The following PRKCH variants were observed in gnomAD, a reference collection of about 807,000 sequenced individuals.
The protein encoded by PRKCH is protein kinase C eta.
In PRKCH, 28 loss-of-function variants were observed where a neutral mutation model predicts 82.5. The ratio of observed to expected loss-of-function variants is 0.34; its 90% CI spans 0.25 to 0.47. The LOEUF (loss-of-function observed/expected upper bound fraction) is 0.47, where lower values mean the gene tolerates loss of function less well. Among genes scored for constraint, PRKCH ranks in the 20% least tolerant of loss-of-function variants. PRKCH has a pLI of 1.00. For missense variants in PRKCH, 705 were observed against 881.8 expected (o/e 0.80, Z 2.54); for synonymous variants, 322 against 327.4 (o/e 0.98, Z 0.18).
Position 61,547,755 on chromosome 14 carries a change from A to C in PRKCH, c.1774A>C (p.Asn592His). ...TGILKSFMTK[N>H]PTMRLGSLTQ... ...CTCTCTCACTCAGTTCATGACCAAG[A>C]ACCCCACCATGCGCTTGGGCAGCCT... The change falls in exon 13 of 14, where the codon AAC (asparagine) becomes CAC (histidine). Residue 592 changes from asparagine to histidine, a missense_variant. Physicochemically the swap from Asn to His is moderately conservative, Grantham distance 68. Coordinates refer to ENST00000332981, the MANE Select transcript of PRKCH (RefSeq NM_006255.5). 6.2e-7 allele frequency: 1 copy of C among 1,613,956 alleles called. No homozygotes were observed. Among genetic ancestry groups the C allele is most frequent in the Non-Finnish European group, 8.5e-7 (1 of 1,179,926 alleles).
chr14:61,478,852 C>T (rs951470736), intron 9 of PRKCH, among the ~76,000 whole-genome samples: 1 of 152,104 alleles, frequency 6.6e-6, no homozygotes, highest in Non-Finnish European at 1.5e-5. Context: ...CAGAGCAAGA[C>T]CCTGTCTCAA....
intron 1 of PRKCH, chr14:61,281,371 G>A (rs760452263): frequency 5.8e-6 from 2 of 346,928 alleles, no homozygotes; most frequent in Non-Finnish European, 1.1e-5. Context: ...CTCCGCCCAG[G>A]TGCGCTGCAC....
intron 1 of PRKCH, among the ~76,000 whole-genome samples, chr14:61,344,864 G>C (rs775131443): frequency 3.3e-5 from 5 of 152,150 alleles, no homozygotes; most frequent in Non-Finnish European, 4.4e-5. Flanking sequence ...TGGAACAAAA[G>C]ATTTATTTAT....
chr14:61,320,768 TGCCC>T (rs1296013081), upstream of PRKCH, among the ~76,000 whole-genome samples: 1 of 152,202 alleles, frequency 6.6e-6, no homozygotes, highest in Non-Finnish European at 1.5e-5. Context: ...ATCAGAAGGC[TGCCC>T]ACTCTGACTG....
intron 2 of PRKCH, among the ~76,000 whole-genome samples, chr14:61,393,092 A>G (rs1166666863): frequency 6.6e-6 from 1 of 151,836 alleles, no homozygotes; most frequent in African/African-American, 2.4e-5. Context: ...TGTCCTGTTG[A>G]TCTGTTTGTC....
At chr14:61,221,929 A>G (rs2044658956) in intron 1 of PRKCH, among the ~76,000 whole-genome samples, 1 of 152,178 alleles carries the variant, frequency 6.6e-6, no homozygotes, top group South Asian at 2.1e-4. Flanking sequence ...GAGAATATTT[A>G]TAATCCAAAC....
chr14:61,508,197 T>A (rs1445624254), intron 10 of PRKCH, among the ~76,000 whole-genome samples: 2 of 152,170 alleles, frequency 1.3e-5, no homozygotes, highest in African/African-American at 4.8e-5. Flanking sequence ...CTGTATTTCC[T>A]TGATTTAAAA....
chr14:61,449,353 C>T (rs1884379100), intron 5 of PRKCH, 101 bp downstream of exon 5: 2 of 999,316 alleles, frequency 2.0e-6, no homozygotes, highest in Admixed American at 2.0e-5. Flanking sequence ...CCCCTCTTTT[C>T]CTTCTCCCCG....
chr14:61,446,527 T>C (rs1408684230), intron 4 of PRKCH, among the ~76,000 whole-genome samples: 6 of 152,254 alleles, frequency 3.9e-5, no homozygotes, highest in Non-Finnish European at 7.3e-5. Context: ...CACCTTCTCT[T>C]CTGGAAGATG....
chr14:61,282,611 A>G (rs1189829493), intron 1 of PRKCH, among the ~76,000 whole-genome samples: 1 of 152,166 alleles, frequency 6.6e-6, no homozygotes, highest in African/African-American at 2.4e-5. Context: ...GATAGGGGAC[A>G]TATTAGGAGT....
intron 1 of PRKCH, among the ~76,000 whole-genome samples, chr14:61,268,423 TG>T (rs2045123393): frequency 6.6e-6 from 1 of 152,134 alleles, no homozygotes; most frequent in South Asian, 2.1e-4. Context: ...CCCAGCACTT[TG>T]GGGGGCTGAG....
rs78456433 is a variant in PRKCH, at chr14:61,470,772, G to A, written c.1278+13093G>A. Among the ~76,000 whole-genome samples, 1,387 of 152,146 alleles carry A rather than the reference G, an allele frequency of 9.1e-3. 16 individuals are homozygous for A. Among genetic ancestry groups the A allele is most frequent in the South Asian group, 0.023 (111 of 4,810 alleles). ...TAATTCCATTCTTGTGGTATATGAC[G>A]TTCTAAACATTAAAATGATGTAATA... On this transcript the variant is annotated intron_variant, in intron 9 of 13. Coordinates refer to ENST00000332981, the MANE Select transcript of PRKCH (RefSeq NM_006255.5).
chr14:61,334,698 T>C (rs894976297), intron 1 of PRKCH, among the ~76,000 whole-genome samples: 2 of 152,148 alleles, frequency 1.3e-5, no homozygotes, highest in Admixed American at 6.5e-5. Flanking sequence ...GTGTGAACGA[T>C]GAGCAAGTCC....
At chr14:61,337,050 G>A (rs1402121015) in intron 1 of PRKCH, among the ~76,000 whole-genome samples, 3 of 120,314 alleles carry the variant, frequency 2.5e-5, no homozygotes, top group African/African-American at 6.3e-5. Flanking sequence ...CCTGGGTTAC[G>A]AAGTGACAGT....
chr14:61,332,782 T>C (rs1335992900), intron 1 of PRKCH, among the ~76,000 whole-genome samples: 1 of 152,254 alleles, frequency 6.6e-6, no homozygotes, highest in African/African-American at 2.4e-5. Flanking sequence ...AAGTCACATC[T>C]GTCCCTTGTA....
At chr14:61,537,200 T>C (rs1467855885) in intron 12 of PRKCH, among the ~76,000 whole-genome samples, 1 of 152,232 alleles carries the variant, frequency 6.6e-6, no homozygotes, top group Non-Finnish European at 1.5e-5. Flanking sequence ...ACTTAACGTG[T>C]GCTTGCCTCA....
At chr14:61,222,763 G>T (rs181488101) in intron 1 of PRKCH, among the ~76,000 whole-genome samples, 1 of 152,202 alleles carries the variant, frequency 6.6e-6, no homozygotes, top group Non-Finnish European at 1.5e-5. Flanking sequence ...AATAAACTCT[G>T]CATGGACAAA....
At chr14:61,320,089 G>C (rs1364412732), upstream of PRKCH, among the ~76,000 whole-genome samples, 1 of 152,186 alleles carries the variant, frequency 6.6e-6, no homozygotes, top group Non-Finnish European at 1.5e-5. Flanking sequence ...CACTTTAGGA[G>C]GCAGGGGCTG....
intron 1 of PRKCH, among the ~76,000 whole-genome samples, chr14:61,206,010 G>A (rs769494234): frequency 4.6e-5 from 7 of 152,118 alleles, no homozygotes; most frequent in Non-Finnish European, 7.3e-5. Context: ...TTGGGGAAAA[G>A]GTACCAAACA....
Sources: allele counts gnomAD v4.1 joint callset (sites outside exome capture counted in the v4.1 genomes callset), GRCh38; gene constraint gnomAD v4.1.1; transcripts MANE v1.5; gene names NCBI Gene and HGNC (gene_info 2026-07-23, HGNC 2026-07-21).